The following FRG2C variants were observed in gnomAD, a reference collection of about 807,000 sequenced individuals.
FRG2C encodes protein FRG2-like-2.
A neutral mutation model predicts 14.1 loss-of-function variants in FRG2C; 8 were observed. That is an observed-to-expected ratio of 0.57 (90% CI 0.33 to 1.02). The LOEUF (loss-of-function observed/expected upper bound fraction) is 1.02, where lower values mean the gene tolerates loss of function less well. Ranked by LOEUF, FRG2C falls within the 50% of genes least tolerant of loss-of-function variation. The pLI is 0.03. For missense variants in FRG2C, 214 were observed against 334.2 expected, an observed-to-expected ratio of 0.64 and a Z score of 2.80; for synonymous variants, 92 against 127.4, an observed-to-expected ratio of 0.72 and a Z score of 1.87.
intron 3 of FRG2C, 63 bp from the exon 4 acceptor site, chr3:75,665,464 G>C: frequency 4.5e-6 from 7 of 1,567,756 alleles, no homozygotes; most frequent in Non-Finnish European, 6.0e-6. Flanking sequence ...GTGCACAGGG[G>C]GTTCTGGAAA....
In FRG2C at chr3:75,664,379, C is replaced by T. The variant is rs1937023474; in HGVS notation, c.-1C>T. 6.2e-7 allele frequency: 1 copy of T among 1,612,140 alleles called. No homozygotes were observed. Among genetic ancestry groups the T allele is most frequent in the East Asian group, 2.2e-5 (1 of 44,892 alleles). The stretch of plus-strand genomic sequence containing the variant: ...AGCGCACCTTTCACTTGAGCTTCAA[C>T]ATGGGAAAGGGAAATGAAGACCCCG... On this transcript the variant is annotated 5_prime_UTR_variant, in exon 1 of 4. Coordinates refer to ENST00000308062, the MANE Select transcript of FRG2C (RefSeq NM_001124759.5).
chr3:75,665,172 C>T lies in FRG2C; in HGVS notation c.303C>T (p.Ile101=). The T allele has an allele frequency of 6.2e-7, 1 of 1,614,166 alleles. No individual in the cohort carries two copies. Among genetic ancestry groups the T allele is most frequent in the Non-Finnish European group, 8.5e-7 (1 of 1,179,924 alleles). Reference sequence around the variant, plus strand: ...AGGAAAACTGCAGGAAAAGAAAAATCAGTTCCAAGGATATCTGCCAAGACA... The same window carrying T: ...AGGAAAACTGCAGGAAAAGAAAAATTAGTTCCAAGGATATCTGCCAAGACA... The part of the protein sequence containing the change: ...SYQENCRKRK[I]SSKDICQDRA... Residue 101 remains isoleucine (I), a synonymous_variant, in exon 3 of 4, where the codon ATC becomes ATT. Transcript: ENST00000308062.
rs1575741160 is a variant in FRG2C at position 75,666,091 on chromosome 3, C to A, written c.*50C>A. 1.2e-6 allele frequency: 2 copies of A among 1,608,598 alleles called. No homozygotes were observed. Among genetic ancestry groups the A allele is most frequent in the East Asian group, 4.5e-5 (2 of 44,882 alleles). ...TGGGAATGAGAACAAGGACCTGCTT[C>A]TTCTCAGATTCTTCCAGACGACCAG... On this transcript the variant is annotated 3_prime_UTR_variant, in exon 4 of 4. Coordinates refer to ENST00000308062, the MANE Select transcript of FRG2C (RefSeq NM_001124759.5).
At position 75,664,397 on chromosome 3, in the gene FRG2C, A is replaced by C. The variant is rs1299885643; in HGVS notation, c.18A>C (p.Glu6Asp). 2.5e-6 allele frequency: 4 copies of C among 1,612,024 alleles called. No individual in the cohort carries two copies. Among genetic ancestry groups the C allele is most frequent in the Non-Finnish European group, 3.4e-6 (4 of 1,179,892 alleles). The change falls in exon 1 of 4, where the codon GAA becomes GAC. Residue 6 changes from glutamate to aspartate, a missense_variant. This residue lies in a region of FRG2C where 23 missense variants were observed against 67.1 expected (regional missense o/e 0.34). Coordinates refer to ENST00000308062, the MANE Select transcript of FRG2C (RefSeq NM_001124759.5). Reference protein sequence around the residue: MGKGNEDPDLHCSSIQ... With the variant: MGKGNDDPDLHCSSIQ... ...GCTTCAACATGGGAAAGGGAAATGAAGACCCCGATCTCCACTGTTCCTCCA... is the reference window on the plus strand; with the variant it reads ...GCTTCAACATGGGAAAGGGAAATGACGACCCCGATCTCCACTGTTCCTCCA...
At position 75,665,151 on chromosome 3, in the gene FRG2C, A is replaced by G; in HGVS notation, c.282A>G (p.Glu94=). 2 of 1,614,092 alleles carry G rather than the reference A, an allele frequency of 1.2e-6. No individual in the cohort carries two copies. Among genetic ancestry groups the G allele is most frequent in the Non-Finnish European group, 1.7e-6 (2 of 1,179,944 alleles). Residue 94 remains glutamate, a synonymous_variant, in exon 3 of 4, where the codon GAA becomes GAG. Coordinates refer to ENST00000308062, the MANE Select transcript of FRG2C (RefSeq NM_001124759.5). ...GSEPESSSYQ[E]NCRKRKISSK... is the part of the protein sequence containing the mutation. ...AACCAGAGTCCAGCTCATATCAGGA[A>G]AACTGCAGGAAAAGAAAAATCAGTT...
chr3:75,665,595 A>G lies in FRG2C; in HGVS notation c.403A>G (p.Asn135Asp). 1 of 1,614,088 alleles carries G rather than the reference A, an allele frequency of 6.2e-7. No homozygotes were observed. The highest frequency in any genetic ancestry group is 1.1e-5 in the South Asian group (1 of 91,084). Residue 135 changes from asparagine to aspartate, a missense_variant, in exon 4 of 4, where the codon AAC (asparagine) becomes GAC (aspartate). By Grantham distance (23) the Asn-to-Asp change is conservative. Coordinates refer to ENST00000308062, the MANE Select transcript of FRG2C (RefSeq NM_001124759.5). ...ATCAAGATCCTCCACTGCTGTGCAC[A>G]ACAGTGAAATCCAGGAGACCTGTGA... ...KKSRSSTAVH[N>D]SEIQETCDAH...
At chr3:75,665,378 A>G in intron 3 of FRG2C, 149 bp from the exon 4 acceptor site, 1 of 1,439,038 alleles carries the variant, frequency 6.9e-7, no homozygotes, top group Admixed American at 2.0e-5. Flanking sequence ...GGGGACTCAC[A>G]AGTGGTTCAG....
chr3:75,664,794 G>A, intron 1 of FRG2C, 25 bp from the exon 2 acceptor site: 1 of 1,614,120 alleles, frequency 6.2e-7, no homozygotes, highest in East Asian at 2.2e-5. Flanking sequence ...AGGGAGAGGT[G>A]AGCCATCTAA....
rs1380544619 is a variant in FRG2C, at chr3:75,664,872, G to A, written c.232G>A (p.Ala78Thr). ...KENSEETKLK[A>T]GNSTAGSEPE... ...GAATTCTGAGGAAACCAAGCTCAAG[G>A]CCGGGAACAGCACTGCTGGATCAGG... Residue 78 changes from alanine (A) to threonine (T), a missense_variant, in exon 2 of 4, where the codon GCC (alanine) becomes ACC (threonine). Around this residue, in one of 3 missense-constraint regions of FRG2C, gnomAD observed 136 missense variants for 148.1 expected, o/e 0.92. Transcript: ENST00000308062. The A allele has an allele frequency of 1.2e-5, 19 of 1,614,182 alleles. No individual in the cohort carries two copies. Among genetic ancestry groups the A allele is most frequent in the Middle Eastern group, 1.6e-4 (1 of 6,084 alleles).
Position 75,666,126 on chromosome 3 carries a change from T to C in FRG2C, c.*85T>C. ...TCTTCCAGACGACCAGCAGTGACAA[T>C]TTTAGATGCACTGTGTTAATAAATG... On this transcript the variant is annotated 3_prime_UTR_variant, in exon 4 of 4. Coordinates refer to ENST00000308062, the MANE Select transcript of FRG2C (RefSeq NM_001124759.5). The C allele has an allele frequency of 1.3e-6, 2 of 1,597,544 alleles. No individual in the cohort carries two copies. The highest frequency in any genetic ancestry group is 1.7e-6 in the Non-Finnish European group (2 of 1,174,050).
chr3:75,664,611 T>A (rs62247153), intron 1 of FRG2C, 54 bp downstream of exon 1: 1 of 1,612,400 alleles, frequency 6.2e-7, no homozygotes, highest in East Asian at 2.2e-5. Flanking sequence ...GAATCAGGGA[T>A]ACTGAGCTAT....
At position 75,666,272 on chromosome 3, in the gene FRG2C, A is replaced by T; in HGVS notation, c.*231A>T. 1.2e-6 allele frequency: 1 copy of T among 814,558 alleles called. No individual in the cohort carries two copies. Among genetic ancestry groups the T allele is most frequent in the Non-Finnish European group, 1.9e-6 (1 of 532,674 alleles). 50.5% of individuals were successfully genotyped at this position (814,558 alleles called of 1,614,324 possible). A position where few individuals can be genotyped will look rare whatever the true frequency, so the allele number is the denominator to read the frequency against. The stretch of plus-strand genomic sequence containing the variant: ...TTATATTTCATGTTAGACATTTGAT[A>T]CCTTTTGGATGTCTGATGACAGTCG... On this transcript the variant is annotated 3_prime_UTR_variant, in exon 4 of 4. Transcript: ENST00000308062.
Position 75,665,858 on chromosome 3 carries a change from G to A in FRG2C, c.666G>A (p.Val222=). The A allele has an allele frequency of 2.5e-6, 4 of 1,614,092 alleles. No homozygotes were observed. The highest frequency in any genetic ancestry group is 1.3e-5 in the African/African-American group (1 of 75,080). The change falls in exon 4 of 4, where the codon GTG becomes GTA. Residue 222 remains valine, a synonymous_variant. Coordinates refer to ENST00000308062, the MANE Select transcript of FRG2C (RefSeq NM_001124759.5). The part of the protein sequence containing the change: ...TRLRGPLCAQ[V]QTLYSMATQA... ...TCCGGGGGCCTCTGTGTGCCCAGGT[G>A]CAGACCTTGTATTCCATGGCCACTC...
Position 75,666,201 on chromosome 3 carries a change from A to G in FRG2C, c.*160A>G, listed in dbSNP as rs1937098773. ...AAGAAACTTGAGCGGTATACTCAGA[A>G]TGGTGAGCCCTGAATTTTGCAGACC... is the stretch of plus-strand genomic sequence containing the variant. On this transcript the variant is annotated 3_prime_UTR_variant, in exon 4 of 4. Transcript: ENST00000308062. The G allele has an allele frequency of 3.4e-5, 51 of 1,479,688 alleles. No individual in the cohort carries two copies. Among genetic ancestry groups the G allele is most frequent in the Non-Finnish European group, 4.6e-5 (51 of 1,112,348 alleles). 91.7% of individuals were successfully genotyped at this position (1,479,688 alleles called of 1,614,324 possible). A position where few individuals can be genotyped will look rare whatever the true frequency, so the allele number is the denominator to read the frequency against.
At position 75,666,798 on chromosome 3, in the gene FRG2C, A is replaced by C. The variant is rs1485480254; in HGVS notation, c.*757A>C. 1 of 152,318 alleles carries C rather than the reference A, an allele frequency of 6.6e-6. No homozygotes were observed. The highest frequency in any genetic ancestry group is 1.5e-5 in the Non-Finnish European group (1 of 68,062). 9.4% of individuals were successfully genotyped at this position (152,318 alleles called of 1,614,324 possible). A position where few individuals can be genotyped will look rare whatever the true frequency, so the allele number is the denominator to read the frequency against. On this transcript the variant is annotated 3_prime_UTR_variant, in exon 4 of 4. Transcript: ENST00000308062. ...ATGTTTATACATTTTTACAGTTTGC[A>C]TAGTAAAATTACTATGCAAGCTGTT...
intron 3 of FRG2C, 68 bp downstream of exon 3, chr3:75,665,271 G>A (rs74639124): frequency 1.9e-6 from 3 of 1,553,644 alleles, no homozygotes; most frequent in Non-Finnish European, 2.7e-6. Flanking sequence ...TGCCCCAAAA[G>A]GCAAATAATC....
chr3:75,665,167 A>G lies in FRG2C; in HGVS notation c.298A>G (p.Lys100Glu). The G allele has an allele frequency of 6.2e-7, 1 of 1,614,204 alleles. No individual in the cohort carries two copies. The highest frequency in any genetic ancestry group is 8.5e-7 in the Non-Finnish European group (1 of 1,179,960). The change falls in exon 3 of 4, where the codon AAA becomes GAA. Residue 100 changes from lysine (K) to glutamate (E), a missense_variant. Lys to Glu is a moderately conservative substitution (Grantham distance 56). Transcript: ENST00000308062. ...ATATCAGGAAAACTGCAGGAAAAGA[A>G]AAATCAGTTCCAAGGATATCTGCCA... Reference protein sequence around the residue: ...SSYQENCRKRKISSKDICQDR... With the variant: ...SSYQENCRKREISSKDICQDR...
intron 3 of FRG2C, 110 bp downstream of exon 3, chr3:75,665,313 G>A (rs1937061159): frequency 2.8e-6 from 4 of 1,446,364 alleles, no homozygotes; most frequent in Admixed American, 1.8e-5. Flanking sequence ...TGAGCGGAAA[G>A]GGAATTACTT....
chr3:75,666,877 G>A lies in FRG2C; in HGVS notation c.*836G>A, dbSNP rs1262986092. 6.6e-6 allele frequency: 1 copy of A among 152,328 alleles called. No individual in the cohort carries two copies. Among genetic ancestry groups the A allele is most frequent in the Non-Finnish European group, 1.5e-5 (1 of 68,072 alleles). 9.4% of individuals were successfully genotyped at this position (152,328 alleles called of 1,614,324 possible). ...AGTCAAGATATATTAAATGGTAAATGATTGTACTTATTTATTCATCTGCCT... is the reference window on the plus strand; with the variant it reads ...AGTCAAGATATATTAAATGGTAAATAATTGTACTTATTTATTCATCTGCCT... On this transcript the variant is annotated 3_prime_UTR_variant, in exon 4 of 4. Transcript: ENST00000308062.
Sources: allele counts gnomAD v4.1 joint callset, GRCh38; gene constraint gnomAD v4.1.1; regional missense constraint gnomAD v4.1.1; transcripts MANE v1.5; gene names NCBI Gene and HGNC (gene_info 2026-07-23, HGNC 2026-07-21).